Variants in GIGYF2 observed in about 807,000 individuals in gnomAD.
GIGYF2 encodes the protein GRB10 interacting GYF protein 2.
A neutral mutation model predicts 208.1 loss-of-function variants in GIGYF2; 25 were observed. The observed-to-expected ratio is 0.12, with a 90% confidence interval of 0.09 to 0.17. The LOEUF is 0.17. Among genes scored for constraint, GIGYF2 ranks in the 10% least tolerant of loss-of-function variants. The pLI is 1.00. For synonymous variants in GIGYF2, 534 were observed against 543.8 expected (o/e 0.98, Z 0.25); for missense variants, 1,302 against 1,579.4 (o/e 0.82, Z 2.98).
At position 232,796,152 on chromosome 2, in the gene GIGYF2, G is replaced by A. The variant is rs1213097982; in HGVS notation, c.1570G>A (p.Val524Met). The A allele has an allele frequency of 5.6e-6, 9 of 1,600,780 alleles. 1 individual carries two copies. The highest frequency in any genetic ancestry group is 5.5e-5 in the South Asian group (5 of 90,800). Reference sequence around the variant, plus strand: ...ACTGCAAGAGCACAGAGCTAAAGGAGTGTCGATTCCATTGATGCATGAAGC... The same window carrying A: ...ACTGCAAGAGCACAGAGCTAAAGGAATGTCGATTCCATTGATGCATGAAGC... The part of the protein sequence containing the change: ...SKLQEHRAKG[V>M]SIPLMHEAMQ... Residue 524 changes from valine (V) to methionine (M), a missense_variant, in exon 14 of 29, where the codon GTG (valine) becomes ATG (methionine). Coordinates refer to ENST00000373563, the MANE Select transcript of GIGYF2 (RefSeq NM_001103146.3).
intron 8 of GIGYF2, among the ~76,000 whole-genome samples, chr2:232,781,189 C>T (rs1272653930): frequency 6.6e-6 from 1 of 151,808 alleles, no homozygotes; most frequent in African/African-American, 2.4e-5. Flanking sequence ...GAACTCCTGA[C>T]CTCAGGTGAT....
intron 2 of GIGYF2, among the ~76,000 whole-genome samples, chr2:232,717,586 T>G (rs1447439637): frequency 6.6e-6 from 1 of 152,176 alleles, no homozygotes; most frequent in Non-Finnish European, 1.5e-5. Context: ...AAGGAATACC[T>G]GAGACTGGGT....
intron 2 of GIGYF2, among the ~76,000 whole-genome samples, chr2:232,734,003 A>T (rs560965339): frequency 4.3e-4 from 65 of 152,072 alleles, no homozygotes; most frequent in Middle Eastern, 3.4e-3. Context: ...TCATATCTTA[A>T]GATTACTTTT....
intron 3 of GIGYF2, chr2:232,736,175 A>T (rs1458468858): frequency 1.0e-6 from 1 of 981,240 alleles, no homozygotes; most frequent in Non-Finnish European, 1.2e-6. Context: ...CACTATTTGA[A>T]GTTCTAAGAA....
At chr2:232,759,098 T>C (rs1034984969) in intron 6 of GIGYF2, among the ~76,000 whole-genome samples, 3 of 152,086 alleles carry the variant, frequency 2.0e-5, no homozygotes. Context: ...ACAAAATAAT[T>C]TGGTGCATTA....
chr2:232,794,546 T>TA (rs1406872800), intron 12 of GIGYF2, among the ~76,000 whole-genome samples: 1 of 152,206 alleles, frequency 6.6e-6, no homozygotes, highest in African/African-American at 2.4e-5. Flanking sequence ...TTTTAACTCT[T>TA]ACCTTTTGTC....
At chr2:232,729,983 C>T (rs1697382878) in intron 2 of GIGYF2, 2 of 729,074 alleles carry the variant, frequency 2.7e-6, no homozygotes, top group Non-Finnish European at 5.0e-6. Context: ...AAGCCTTCTT[C>T]ACTCCTGGAA....
At chr2:232,839,193 G>C (rs28491817) in intron 22 of GIGYF2, among the ~76,000 whole-genome samples, 28,611 of 152,152 alleles carry the variant, frequency 0.19, 2,935 homozygotes, top group Non-Finnish European at 0.22. Context: ...GGTTCTCTGA[G>C]AATAATCAGG....
At chr2:232,786,467 G>T (rs750839550) in intron 8 of GIGYF2, among the ~76,000 whole-genome samples, 2 of 152,124 alleles carry the variant, frequency 1.3e-5, no homozygotes, top group Non-Finnish European at 2.9e-5. Context: ...CCCAACTCCT[G>T]ACCTCGTGAT....
chr2:232,856,925 A>G lies in GIGYF2; in HGVS notation c.*65A>G. 1.0e-6 allele frequency: 1 copy of G among 996,298 alleles called. No individual in the cohort carries two copies. The highest frequency in any genetic ancestry group is 1.6e-6 in the Non-Finnish European group (1 of 615,166). The allele number at this position is 996,298 out of a possible 1,614,324, so 61.7% of individuals were successfully genotyped here. On this transcript the variant is annotated 3_prime_UTR_variant, in exon 29 of 29. Coordinates refer to ENST00000373563, the MANE Select transcript of GIGYF2 (RefSeq NM_001103146.3). The stretch of plus-strand genomic sequence containing the variant: ...GACTATGGAGTCTCCACCTTTGGAC[A>G]CAACACTTACTCACCATTTACTCTT...
intron 6 of GIGYF2, among the ~76,000 whole-genome samples, chr2:232,756,959 A>G (rs920167239): frequency 6.6e-6 from 1 of 152,180 alleles, no homozygotes; most frequent in African/African-American, 2.4e-5. Flanking sequence ...AAATATTTGT[A>G]ATATGAATAT....
chr2:232,841,382 A>G lies in GIGYF2; in HGVS notation c.2889+1411A>G, dbSNP rs1474494061. On this transcript the variant is annotated intron_variant, in intron 23 of 28. Transcript: ENST00000373563. ...GCGATCTCGGCTCACTGCAGCCTCC[A>G]CCTCCTGAGTTCAAGTGATTCTCCT... Among the ~76,000 whole-genome samples the G allele has an allele frequency of 2.0e-5, 3 of 150,906 alleles. No individual in the cohort carries two copies. In the East Asian group the frequency reaches 5.8e-4, roughly 29 times the overall value.
At chr2:232,744,389 A>G (rs1698072310) in intron 3 of GIGYF2, among the ~76,000 whole-genome samples, 1 of 152,214 alleles carries the variant, frequency 6.6e-6, no homozygotes, top group African/African-American at 2.4e-5. Flanking sequence ...CTCCAGTGGT[A>G]GAAACTGTTG....
Position 232,856,887 on chromosome 2 carries a change from T to G in GIGYF2, c.*27T>G. 1 of 1,523,770 alleles carries G rather than the reference T, an allele frequency of 6.6e-7. No individual in the cohort carries two copies. The highest frequency in any genetic ancestry group is 9.1e-7 in the Non-Finnish European group (1 of 1,097,412). 94.4% of individuals were successfully genotyped at this position (1,523,770 alleles called of 1,614,324 possible). ...CACCTGCCAGTGGACTGGCCATCCC[T>G]CTCCTGTCTGCCGACTATGGAGTCT... On this transcript the variant is annotated 3_prime_UTR_variant, in exon 29 of 29. Transcript: ENST00000373563.
intron 2 of GIGYF2, among the ~76,000 whole-genome samples, chr2:232,728,413 A>T (rs1041610691): frequency 7.9e-5 from 12 of 152,342 alleles, no homozygotes; most frequent in African/African-American, 2.6e-4. Flanking sequence ...GACATGCATT[A>T]ATAGAGTTTG....
chr2:232,839,740 A>C, intron 22 of GIGYF2, 109 bp from the exon 23 acceptor site: 4 of 1,094,480 alleles, frequency 3.7e-6, no homozygotes, highest in Non-Finnish European at 5.6e-6. Flanking sequence ...AATGTGGTAA[A>C]TGGAGTTGAG....
At chr2:232,808,400 A>G (rs1219700039) in intron 15 of GIGYF2, among the ~76,000 whole-genome samples, 1 of 152,206 alleles carries the variant, frequency 6.6e-6, no homozygotes, top group African/African-American at 2.4e-5. Context: ...AGCCTCAGTC[A>G]TACCTGCATA....
At chr2:232,788,432 A>C in intron 9 of GIGYF2, 2 of 329,618 alleles carry the variant, frequency 6.1e-6, no homozygotes, top group East Asian at 1.8e-4. Context: ...GACCTGGGCC[A>C]GATGTTATAG....
intron 1 of GIGYF2, among the ~76,000 whole-genome samples, chr2:232,701,569 A>G (rs548855543): frequency 4.7e-4 from 72 of 151,826 alleles, no homozygotes; most frequent in Non-Finnish European, 8.7e-4. Context: ...AACTGGGATT[A>G]TAGGTCCATG....
Sources: gnomAD v4.1 joint callset for allele counts (sites outside exome capture counted in the v4.1 genomes callset) on GRCh38, gnomAD v4.1.1 for gene constraint, MANE v1.5 for transcripts, NCBI Gene and HGNC (gene_info 2026-07-23, HGNC 2026-07-21) for gene names.